The following KSR1 variants were observed in gnomAD, a reference collection of about 807,000 sequenced individuals.
KSR1 encodes the protein kinase suppressor of ras 1.
Under a neutral mutation model 92.9 loss-of-function variants are expected in KSR1, and 35 were observed. The observed-to-expected ratio is 0.38, with a 90% CI of 0.29 to 0.50. The LOEUF (loss-of-function observed/expected upper bound fraction) is 0.50. Among genes scored for constraint, KSR1 ranks in the 20% least tolerant of loss-of-function variants. KSR1 has a pLI of 0.94. For synonymous variants in KSR1, 467 were observed against 472.6 expected (o/e 0.99, Z 0.15); for missense variants, 972 against 1,158.5 (o/e 0.84, Z 2.34).
rs1244538602 is a variant in KSR1 at position 27,626,230 on chromosome 17, T to C, written c.*2838T>C. ...CCACAAGCCACACACTTGCTTTTTTTGAATGTGATGTAAAATTTGTACAGT... is the reference window on the plus strand; with the variant it reads ...CCACAAGCCACACACTTGCTTTTTTCGAATGTGATGTAAAATTTGTACAGT... On this transcript the variant is annotated 3_prime_UTR_variant, in exon 21 of 21. Coordinates refer to ENST00000644974, the MANE Select transcript of KSR1 (RefSeq NM_001394583.1). 6.6e-6 allele frequency: 1 copy of C among 152,260 alleles called. No individual in the cohort carries two copies. Among genetic ancestry groups the C allele is most frequent in the Non-Finnish European group, 1.5e-5 (1 of 68,052 alleles). The allele number at this position is 152,260 out of a possible 1,614,324, so 9.4% of individuals were successfully genotyped here.
chr17:27,477,966 C>G (rs1043224735), intron 1 of KSR1, among the ~76,000 whole-genome samples: 13 of 152,140 alleles, frequency 8.5e-5, no homozygotes, highest in Non-Finnish European at 2.9e-5. Flanking sequence ...CAAGGCAGGC[C>G]TTGGCCTCCC....
rs748257885 is a variant in KSR1 at position 27,577,497 on chromosome 17, C to T, written c.378C>T (p.Ile126=). Reference sequence around the variant, plus strand: ...CTGTCCCTCTGTCCCCTTAGGAGATCCCCCGAGACCTCACGCTGGATGCCC... The same window carrying T: ...CTGTCCCTCTGTCCCCTTAGGAGATTCCCCGAGACCTCACGCTGGATGCCC... ...FNVRPEVVQE[I]PRDLTLDALL... The change falls in exon 3 of 21, where the codon ATC becomes ATT. Residue 126 remains isoleucine, a synonymous_variant. Coordinates refer to ENST00000644974, the MANE Select transcript of KSR1 (RefSeq NM_001394583.1). The surrounding 1 kb of genome is among the most constrained non-coding windows in gnomAD (Gnocchi z 4.5). The T allele has an allele frequency of 6.1e-5, 94 of 1,538,952 alleles. 2 individuals are homozygous for T. Among genetic ancestry groups the T allele is most frequent in the Non-Finnish European group, 7.2e-5 (82 of 1,133,198 alleles).
intron 16 of KSR1, among the ~76,000 whole-genome samples, chr17:27,609,577 G>C (rs1428523078): frequency 6.6e-6 from 1 of 152,228 alleles, no homozygotes; most frequent in Non-Finnish European, 1.5e-5. Context: ...CACCCGCTTG[G>C]CCAAGGAACC....
intron 3 of KSR1, among the ~76,000 whole-genome samples, chr17:27,582,328 C>T (rs1397138610): frequency 6.6e-6 from 1 of 152,208 alleles, no homozygotes. Flanking sequence ...ATCCAGAGTG[C>T]TCCCATGAGC....
chr17:27,565,957 G>C (rs1191737954), intron 2 of KSR1, among the ~76,000 whole-genome samples: 1 of 152,038 alleles, frequency 6.6e-6, no homozygotes, highest in Non-Finnish European at 1.5e-5. Flanking sequence ...GCATCCTTTT[G>C]AAGGTTGTCC....
intron 1 of KSR1, among the ~76,000 whole-genome samples, chr17:27,508,912 G>A (rs2069496062): frequency 1.3e-5 from 2 of 151,884 alleles, no homozygotes; most frequent in Admixed American, 1.3e-4. Flanking sequence ...TGTATTTTTA[G>A]TAGAGATAGG....
chr17:27,513,811 T>C (rs888235184), intron 1 of KSR1, among the ~76,000 whole-genome samples: 1 of 151,994 alleles, frequency 6.6e-6, no homozygotes, highest in African/African-American at 2.4e-5. Context: ...TGAAGAAGGG[T>C]GTAGGGCTGT....
intron 1 of KSR1, among the ~76,000 whole-genome samples, chr17:27,504,217 C>T (rs534801470): frequency 6.6e-6 from 1 of 152,302 alleles, no homozygotes; most frequent in East Asian, 1.9e-4. Flanking sequence ...TCTGTGAAGG[C>T]ACCTGCCGGG....
intron 1 of KSR1, among the ~76,000 whole-genome samples, chr17:27,539,726 C>G (rs751027235): frequency 5.3e-5 from 8 of 152,170 alleles, no homozygotes; most frequent in Non-Finnish European, 1.2e-4. Flanking sequence ...GTCCCCACAG[C>G]CCCTAAGGAC....
intron 1 of KSR1, among the ~76,000 whole-genome samples, chr17:27,518,139 C>T (rs1444619510): frequency 6.6e-6 from 1 of 152,070 alleles, no homozygotes; most frequent in African/African-American, 2.4e-5. Context: ...TGAAATCTAT[C>T]CTGTCCCCAA....
intron 15 of KSR1, among the ~76,000 whole-genome samples, 165 bp downstream of exon 15, chr17:27,608,175 T>G (rs1261920718): frequency 1.3e-5 from 2 of 152,226 alleles, no homozygotes; most frequent in African/African-American, 4.8e-5. Context: ...TCCCTGTCTC[T>G]GTCTCATTCA....
At chr17:27,506,499 TG>T (rs956415817) in intron 1 of KSR1, among the ~76,000 whole-genome samples, 2 of 152,364 alleles carry the variant, frequency 1.3e-5, no homozygotes, top group Middle Eastern at 3.4e-3. Context: ...TAGTTGGATT[TG>T]TCCAACCTGT....
chr17:27,599,443 G>A (rs1198358961), intron 10 of KSR1, among the ~76,000 whole-genome samples: 1 of 152,212 alleles, frequency 6.6e-6, no homozygotes, highest in Non-Finnish European at 1.5e-5. Context: ...TGTAGTCCCA[G>A]CTACTCAGGA....
At chr17:27,524,226 A>G (rs1211936155) in intron 1 of KSR1, among the ~76,000 whole-genome samples, 1 of 151,980 alleles carries the variant, frequency 6.6e-6, no homozygotes, top group Non-Finnish European at 1.5e-5. Context: ...CATGTCTGGG[A>G]GGAGAGACCA....
chr17:27,549,393 G>A (rs2071309944), intron 1 of KSR1, among the ~76,000 whole-genome samples: 1 of 152,186 alleles, frequency 6.6e-6, no homozygotes, highest in South Asian at 2.1e-4. Flanking sequence ...GAGCCTAACT[G>A]GCCTCTGTTG....
intron 2 of KSR1, among the ~76,000 whole-genome samples, chr17:27,555,716 G>T (rs530154663): frequency 6.6e-6 from 1 of 152,260 alleles, no homozygotes; most frequent in South Asian, 2.1e-4. Flanking sequence ...GGTGAAATAC[G>T]TATAACGTAA....
intron 3 of KSR1, 21 bp from the exon 4 acceptor site, chr17:27,582,625 A>C (rs1441546010): frequency 1.3e-6 from 2 of 1,584,774 alleles, no homozygotes. Flanking sequence ...ACCATCTGTG[A>C]CTCCACGTCT....
At chr17:27,526,666 G>A (rs754061536) in intron 1 of KSR1, 5 of 1,552,754 alleles carry the variant, frequency 3.2e-6, no homozygotes, top group Admixed American at 3.4e-5. Context: ...TTTTGCTCAT[G>A]TAGTTTTTAT....
chr17:27,540,270 G>A (rs2070907744), intron 1 of KSR1, among the ~76,000 whole-genome samples: 1 of 152,214 alleles, frequency 6.6e-6, no homozygotes. Flanking sequence ...TCTTAGACAA[G>A]TGAGCTCGTT....
Sources: allele counts gnomAD v4.1 joint callset (sites outside exome capture counted in the v4.1 genomes callset), GRCh38; gene constraint gnomAD v4.1.1; non-coding constraint Gnocchi (gnomAD v3.1); transcripts MANE v1.5; gene names NCBI Gene and HGNC (gene_info 2026-07-23, HGNC 2026-07-21).